Variants in ESRRG observed in about 807,000 individuals in gnomAD.
ESRRG encodes the protein estrogen related receptor gamma.
A neutral mutation model predicts 44.0 loss-of-function variants in ESRRG; 13 were observed. That is an observed-to-expected ratio of 0.30 (90% CI 0.19 to 0.47). The LOEUF is 0.47. Ranked by LOEUF, ESRRG falls within the 20% of genes least tolerant of loss-of-function variation. ESRRG has a pLI of 1.00. For synonymous variants in ESRRG, 215 were observed against 214.6 expected, an observed-to-expected ratio of 1.00 and a Z score of -0.02; for missense variants, 395 against 580.6, an observed-to-expected ratio of 0.68 and a Z score of 3.29.
chr1:216,539,603 C>T (rs1403419701), intron 5 of ESRRG, among the ~76,000 whole-genome samples: 1 of 151,996 alleles, frequency 6.6e-6, no homozygotes, highest in African/African-American at 2.4e-5. Context: ...CTGTCTCCTT[C>T]ACTAGAATTT....
At position 216,677,361 on chromosome 1, in the gene ESRRG, C is replaced by T. The variant is rs1281353824; in HGVS notation, c.187G>A (p.Asp63Asn). 1.2e-6 allele frequency: 2 copies of T among 1,614,056 alleles called. No individual in the cohort carries two copies. The highest frequency in any genetic ancestry group is 1.7e-6 in the Non-Finnish European group (2 of 1,180,036). The change falls in exon 2 of 7, where the codon GAC (aspartate) becomes AAC (asparagine). Residue 63 changes from aspartate to asparagine, a missense_variant. Coordinates refer to ENST00000408911, the MANE Select transcript of ESRRG (RefSeq NM_001438.4). ...VNHHSPGGSS[D>N]ASGSYSSTMN... ...GTTGAACTGTAGCTCCCACTGGCGT[C>T]TGAAGAGCCACCAGGGCTGTGGTGG...
chr1:216,534,573 T>G lies in ESRRG; in HGVS notation c.863-15152A>C, dbSNP rs11572801. On this transcript the variant is annotated intron_variant, in intron 5 of 6. Transcript: ENST00000408911. Reference sequence around the variant, plus strand: ...GGCAGGGAAAATAACATTGTATTTATACATAACTAAAACGTTTGTAGTTCA... The same window carrying G: ...GGCAGGGAAAATAACATTGTATTTAGACATAACTAAAACGTTTGTAGTTCA... Among the ~76,000 whole-genome samples the G allele has an allele frequency of 3.2e-3, 495 of 152,316 alleles. 3 individuals are homozygous for G. Among genetic ancestry groups the G allele is most frequent in the Middle Eastern group, 0.014 (4 of 294 alleles).
At chr1:216,728,359 C>G (rs571898818), upstream of ESRRG, among the ~76,000 whole-genome samples, 4 of 152,134 alleles carry the variant, frequency 2.6e-5, no homozygotes, top group South Asian at 2.1e-4. Context: ...AGTAAATTAG[C>G]CTTTTCACTT....
intron 2 of ESRRG, among the ~76,000 whole-genome samples, chr1:216,807,211 C>T (rs1267206585): frequency 6.6e-6 from 1 of 152,140 alleles, no homozygotes; most frequent in African/African-American, 2.4e-5. Context: ...AATTGTTCCA[C>T]CGTCGAATGG....
chr1:216,822,206 T>C (rs1355135999), intron 2 of ESRRG, among the ~76,000 whole-genome samples: 2 of 152,202 alleles, frequency 1.3e-5, no homozygotes, highest in Non-Finnish European at 2.9e-5. Context: ...AGCCTACATG[T>C]AAATATGCAG....
chr1:216,722,072 A>G (rs1160190477), intron 1 of ESRRG, among the ~76,000 whole-genome samples: 3 of 151,870 alleles, frequency 2.0e-5, no homozygotes, highest in Non-Finnish European at 4.4e-5. Flanking sequence ...GTCACTTTTC[A>G]TCTCTTACTT....
chr1:217,107,363 G>A (rs187226667), intron 1 of ESRRG, among the ~76,000 whole-genome samples: 195 of 152,296 alleles, frequency 1.3e-3, no homozygotes, highest in Admixed American at 3.0e-3. Context: ...ACTTTACCCA[G>A]CATTCAGGTG....
At chr1:216,648,032 G>A (rs1427354203) in intron 3 of ESRRG, among the ~76,000 whole-genome samples, 1 of 152,116 alleles carries the variant, frequency 6.6e-6, no homozygotes, top group East Asian at 1.9e-4. Flanking sequence ...ATTACAGACT[G>A]GAAATTGAAT....
intron 1 of ESRRG, among the ~76,000 whole-genome samples, chr1:216,682,895 A>G (rs753328737): frequency 1.3e-5 from 2 of 152,118 alleles, no homozygotes; most frequent in African/African-American, 2.4e-5. Flanking sequence ...TGCTTCAACT[A>G]ATTGCACTCT....
chr1:216,986,379 G>T (rs149158723), intron 1 of ESRRG, among the ~76,000 whole-genome samples: 3 of 152,070 alleles, frequency 2.0e-5, no homozygotes, highest in Non-Finnish European at 2.9e-5. Context: ...GTATAGAGAC[G>T]TAAACATGTG....
At chr1:216,840,493 G>A (rs2095635399) in intron 2 of ESRRG, among the ~76,000 whole-genome samples, 1 of 144,098 alleles carries the variant, frequency 6.9e-6, no homozygotes, top group African/African-American at 2.6e-5. Context: ...TGTGTCCACT[G>A]GAGTAGCACT....
intron 1 of ESRRG, among the ~76,000 whole-genome samples, chr1:217,116,748 C>T (rs1256769181): frequency 6.6e-6 from 1 of 152,168 alleles, no homozygotes; most frequent in East Asian, 1.9e-4. Flanking sequence ...GCTGCTTTCC[C>T]TCCTCTTTGA....
At chr1:216,510,970 A>G (rs2042564195) in intron 6 of ESRRG, among the ~76,000 whole-genome samples, 1 of 152,196 alleles carries the variant, frequency 6.6e-6, no homozygotes, top group Non-Finnish European at 1.5e-5. Flanking sequence ...GGACTTTTAG[A>G]CCATTCTTGG....
intron 2 of ESRRG, among the ~76,000 whole-genome samples, chr1:216,735,810 C>G (rs1433492648): frequency 2.6e-5 from 4 of 151,548 alleles, no homozygotes; most frequent in Non-Finnish European, 4.4e-5. Flanking sequence ...GAAACCCCGT[C>G]TCTACTAAAA....
At chr1:216,935,907 G>GTCTGGCCCAGATTT (rs1372079774) in intron 2 of ESRRG, among the ~76,000 whole-genome samples, 3 of 152,020 alleles carry the variant, frequency 2.0e-5, no homozygotes, top group African/African-American at 7.2e-5. Flanking sequence ...GAGCCATCGT[G>GTCTGGCCCAGATTT]TCTGGCCCAG....
intron 1 of ESRRG, among the ~76,000 whole-genome samples, chr1:217,050,999 G>A (rs1430216034): frequency 2.6e-5 from 4 of 152,074 alleles, no homozygotes; most frequent in African/African-American, 9.7e-5. Context: ...AGACTCCAAG[G>A]TGGAAAGAGG....
intron 6 of ESRRG, among the ~76,000 whole-genome samples, chr1:216,510,068 C>G (rs1271140898): frequency 6.6e-6 from 1 of 152,166 alleles, no homozygotes; most frequent in South Asian, 2.1e-4. Flanking sequence ...ACCAGCTAAA[C>G]TTAATGGATA....
rs759070220 is a variant in ESRRG, at chr1:216,677,433, T to A, written c.115A>T (p.Ile39Phe). 6.2e-7 allele frequency: 1 copy of A among 1,614,014 alleles called. No individual in the cohort carries two copies. The highest frequency in any genetic ancestry group is 8.5e-7 in the Non-Finnish European group (1 of 1,179,976). ...RHIDSSCSSF[I>F]KTEPSSPASL... ...GCTGGGCTGGAAGGTTCCGTCTTGA[T>A]GAAGGACGAACAGCTGGAATCAATG... The change falls in exon 2 of 7, where the codon ATC becomes TTC. Residue 39 changes from isoleucine to phenylalanine, a missense_variant. Ile to Phe is a conservative substitution (Grantham distance 21). Around this residue, in one of 5 missense-constraint regions of ESRRG, gnomAD observed 148 missense variants for 150.4 expected, o/e 0.98. Coordinates refer to ENST00000408911, the MANE Select transcript of ESRRG (RefSeq NM_001438.4).
intron 1 of ESRRG, among the ~76,000 whole-genome samples, chr1:217,124,628 G>A (rs867914594): frequency 2.6e-5 from 4 of 152,114 alleles, no homozygotes; most frequent in Non-Finnish European, 4.4e-5. Flanking sequence ...CCACTCTTGA[G>A]TTATCTGAAC....
Sources: allele counts gnomAD v4.1 joint callset (sites outside exome capture counted in the v4.1 genomes callset), GRCh38; gene constraint gnomAD v4.1.1; regional missense constraint gnomAD v4.1.1; transcripts MANE v1.5; gene names NCBI Gene and HGNC (gene_info 2026-07-23, HGNC 2026-07-21).